Variants in SLC16A6 observed in about 807,000 individuals in gnomAD.
SLC16A6 encodes monocarboxylate transporter 7.
SLC16A6 carries 15 observed loss-of-function variants against 33.8 expected under a neutral mutation model. The observed-to-expected ratio is 0.44, with a 90% confidence interval of 0.30 to 0.68. The LOEUF (loss-of-function observed/expected upper bound fraction) is 0.68, where lower values mean the gene tolerates loss of function less well. Among genes scored for constraint, SLC16A6 ranks in the 30% least tolerant of loss-of-function variants. The probability of loss-of-function intolerance (pLI) is 0.10; values close to 1 mark genes in which losing one functional copy is unlikely to be tolerated. For missense variants in SLC16A6, 451 were observed against 661.5 expected (o/e 0.68, Z 3.49); for synonymous variants, 219 against 248.4 (o/e 0.88, Z 1.11).
intron 1 of SLC16A6, among the ~76,000 whole-genome samples, chr17:68,280,696 A>C (rs1226355307): frequency 6.6e-6 from 1 of 152,228 alleles, no homozygotes; most frequent in Non-Finnish European, 1.5e-5. Flanking sequence ...AGAAGAAAAC[A>C]TAGGGGAAAC....
chr17:68,278,617 CTTTTTTT>C lies in SLC16A6; in HGVS notation c.-7-297_-7-291del, dbSNP rs56870988. Among the ~76,000 whole-genome samples, 35 of 111,980 alleles carry C rather than the reference CTTTTTTT, an allele frequency of 3.1e-4. 1 individual carries two copies. Among genetic ancestry groups the C allele is most frequent in the Non-Finnish European group, 5.2e-4 (30 of 57,304 alleles). 73.5% of individuals were successfully genotyped at this position (111,980 alleles called of 152,430 possible). On this transcript the variant is annotated intron_variant, in intron 1 of 5. Coordinates refer to ENST00000580666, the MANE Select transcript of SLC16A6 (RefSeq NM_004694.5). The stretch of plus-strand genomic sequence containing the variant: ...AGCCAGCTAATGTTTTTTCTTTTTC[CTTTTTTT>C]TTTTTTTTTTTTTGAGACAGAGTCT...
chr17:68,274,204 G>T, intron 2 of SLC16A6, 134 bp from the exon 3 acceptor site: 1 of 905,896 alleles, frequency 1.1e-6, no homozygotes, highest in Non-Finnish European at 1.6e-6. Context: ...AGTGGCTCAT[G>T]CCTGTAATCC....
intron 2 of SLC16A6, chr17:68,274,408 G>A (rs1263092067): frequency 5.1e-6 from 1 of 197,272 alleles, no homozygotes. Context: ...AGACGATGCA[G>A]TGAGCCAAGA....
chr17:68,274,658 G>C (rs934075517), intron 2 of SLC16A6: 3 of 152,074 alleles, frequency 2.0e-5, no homozygotes, highest in African/African-American at 4.8e-5. Context: ...GATATGTATT[G>C]AATTTATGTT....
chr17:68,276,693 A>G (rs1246465748), intron 2 of SLC16A6, among the ~76,000 whole-genome samples: 1 of 152,156 alleles, frequency 6.6e-6, no homozygotes, highest in African/African-American at 2.4e-5. Flanking sequence ...GGCTCAAGCA[A>G]TCCTTTCATC....
At position 68,273,820 on chromosome 17, in the gene SLC16A6, A is replaced by G; in HGVS notation, c.376+107T>C. The G allele has an allele frequency of 4.4e-6, 6 of 1,377,156 alleles. No homozygotes were observed. In the South Asian group the frequency reaches 8.2e-5, roughly 19 times the overall value. 85.3% of individuals were successfully genotyped at this position (1,377,156 alleles called of 1,614,324 possible). A position where few individuals can be genotyped will look rare whatever the true frequency, so the allele number is the denominator to read the frequency against. On this transcript the variant is annotated intron_variant, in intron 3 of 5. Transcript: ENST00000580666. ...CTGAGACACTGTTAATGTTAAAGAA[A>G]AAAAGAAAGAGAAAGAAATATAGTT... is the stretch of plus-strand genomic sequence containing the variant.
At chr17:68,278,376 CG>C in intron 1 of SLC16A6, 49 bp from the exon 2 acceptor site, 2 of 1,214,962 alleles carry the variant, frequency 1.6e-6, no homozygotes, top group African/African-American at 1.5e-5. Flanking sequence ...GCATGAGGAT[CG>C]ATGATTCTCA....
intron 1 of SLC16A6, among the ~76,000 whole-genome samples, chr17:68,287,437 C>T (rs1555754649): frequency 2.0e-5 from 3 of 151,932 alleles, no homozygotes; most frequent in East Asian, 1.9e-4. Context: ...TAGTATTAAA[C>T]GTGTGAGCCA....
chr17:68,284,776 G>A (rs1343440800), intron 1 of SLC16A6, among the ~76,000 whole-genome samples: 1 of 152,098 alleles, frequency 6.6e-6, no homozygotes, highest in Non-Finnish European at 1.5e-5. Context: ...ACACTATTAC[G>A]GCTAAATATT....
At chr17:68,288,994 C>A (rs1304284133) in intron 1 of SLC16A6, among the ~76,000 whole-genome samples, 1 of 152,204 alleles carries the variant, frequency 6.6e-6, no homozygotes, top group African/African-American at 2.4e-5. Flanking sequence ...TACAATGACA[C>A]AATCCACGGG....
chr17:68,289,746 GC>G (rs1204402861), intron 1 of SLC16A6, among the ~76,000 whole-genome samples: 1 of 152,160 alleles, frequency 6.6e-6, no homozygotes, highest in East Asian at 1.9e-4. Flanking sequence ...TGAAACCTGA[GC>G]CCCTAATTTA....
Position 68,270,924 on chromosome 17 carries a change from G to A in SLC16A6, c.1236C>T (p.Val412=), listed in dbSNP as rs144195353. 62 of 1,614,030 alleles carry A rather than the reference G, an allele frequency of 3.8e-5. No homozygotes were observed. The highest frequency in any genetic ancestry group is 1.2e-4 in the Admixed American group (7 of 59,988). Residue 412 remains valine, a synonymous_variant, in exon 5 of 6, where the codon GTC becomes GTT. Transcript: ENST00000580666. ...THIPLLAEDD[V]VGIEKMSSAA... is the part of the protein sequence containing the mutation. ...CAGAAGACATCTTCTCAATGCCCACGACATCATCCTCAGCAAGCAGTGGAA... is the reference window on the plus strand; with the variant it reads ...CAGAAGACATCTTCTCAATGCCCACAACATCATCCTCAGCAAGCAGTGGAA...
rs2075222065 is a variant in SLC16A6, at chr17:68,268,509, G to C, written c.*587C>G. The C allele has an allele frequency of 6.6e-6, 1 of 152,272 alleles. No individual in the cohort carries two copies. The highest frequency in any genetic ancestry group is 1.9e-4 in the East Asian group (1 of 5,178). 9.4% of individuals were successfully genotyped at this position (152,272 alleles called of 1,614,324 possible). The stretch of plus-strand genomic sequence containing the variant: ...TATATTTCATTTCCAGCAAGCAGAG[G>C]CCGTAATTTGTTAACGGGAACCTTG... On this transcript the variant is annotated 3_prime_UTR_variant, in exon 6 of 6. Coordinates refer to ENST00000580666, the MANE Select transcript of SLC16A6 (RefSeq NM_004694.5).
At position 68,273,299 on chromosome 17, in the gene SLC16A6, C is replaced by T. The variant is rs569159655; in HGVS notation, c.377-532G>A. 1.3e-4 allele frequency among the ~76,000 whole-genome samples: 20 copies of T among 152,022 alleles called. No individual in the cohort carries two copies. In the South Asian group the frequency reaches 4.0e-3, roughly 30 times the overall value. ...TCACAGCTCACTGGAGCCTTGACCT[C>T]CCAGGCTCAAGTGATCCTCCCACCT... On this transcript the variant is annotated intron_variant, in intron 3 of 5. Coordinates refer to ENST00000580666, the MANE Select transcript of SLC16A6 (RefSeq NM_004694.5).
chr17:68,273,949 G>A lies in SLC16A6; in HGVS notation c.354C>T (p.Tyr118=), dbSNP rs201991451. Residue 118 remains tyrosine (Y), a synonymous_variant, in exon 3 of 6, where the codon TAC becomes TAT. Transcript: ENST00000580666. ...TACCAGAGATGATGCCGATGGCGACGTACATATGAGAAACCTCTTGTGAGA... is the reference window on the plus strand; with the variant it reads ...TACCAGAGATGATGCCGATGGCGACATACATATGAGAAACCTCTTGTGAGA... The part of the protein sequence containing the change: ...ASFSQEVSHM[Y]VAIGIISGLG... 152 of 1,614,098 alleles carry A rather than the reference G, an allele frequency of 9.4e-5. No individual in the cohort carries two copies. The highest frequency in any genetic ancestry group is 1.2e-4 in the Non-Finnish European group (143 of 1,179,998).
chr17:68,274,229 G>C lies in SLC16A6; in HGVS notation c.233-159C>G, dbSNP rs929015800. On this transcript the variant is annotated intron_variant, in intron 2 of 5. Transcript: ENST00000580666. ...GCCTGTAATCCCAGCACTTTGGGAG[G>C]TTGAGGACGGAGGATCGCTTGAGCC... 10 of 667,326 alleles carry C rather than the reference G, an allele frequency of 1.5e-5. No individual in the cohort carries two copies. In the South Asian group the frequency reaches 2.4e-4, roughly 16 times the overall value. The allele number at this position is 667,326 out of a possible 1,614,324, so 41.3% of individuals were successfully genotyped here.
chr17:68,289,644 T>TA (rs538435215), intron 1 of SLC16A6, among the ~76,000 whole-genome samples: 5 of 152,104 alleles, frequency 3.3e-5, no homozygotes, highest in Non-Finnish European at 4.4e-5. Context: ...ATTCTCTATT[T>TA]AAAAAAAATT....
At chr17:68,278,712 C>T (rs574502889) in intron 1 of SLC16A6, among the ~76,000 whole-genome samples, 17 of 150,778 alleles carry the variant, frequency 1.1e-4, no homozygotes, top group East Asian at 7.9e-4. Context: ...CTCGGCCTCC[C>T]GGGTTCAAGT....
In SLC16A6 at chr17:68,278,232, G is replaced by GAA; in HGVS notation, c.87_88dup (p.Ser30PhefsTer24). ...GGTGAAGACTTCAACGAAGAAAAAT[G>GAA]AAACAGCTACCGCCCAGCCCCATCC... On this transcript the variant is annotated frameshift_variant, in exon 2 of 6. Coordinates refer to ENST00000580666, the MANE Select transcript of SLC16A6 (RefSeq NM_004694.5). LOFTEE classifies it high-confidence loss of function. 1 of 1,614,158 alleles carries GAA rather than the reference G, an allele frequency of 6.2e-7. No homozygotes were observed. The highest frequency in any genetic ancestry group is 8.5e-7 in the Non-Finnish European group (1 of 1,180,020).
Sources: allele counts gnomAD v4.1 joint callset (sites outside exome capture counted in the v4.1 genomes callset), GRCh38; gene constraint gnomAD v4.1.1; transcripts MANE v1.5; gene names NCBI Gene and HGNC (gene_info 2026-07-23, HGNC 2026-07-21).